Variants in BRIP1 observed in about 807,000 individuals in gnomAD.
BRIP1 encodes the protein Fanconi anemia group J protein.
BRIP1 carries 88 observed loss-of-function variants against 119.7 expected under a neutral mutation model. The ratio of observed to expected loss-of-function variants is 0.74; its 90% CI spans 0.62 to 0.88. The LOEUF (loss-of-function observed/expected upper bound fraction) is 0.88. Ranked by LOEUF, BRIP1 falls within the 40% of genes least tolerant of loss-of-function variation. The probability of loss-of-function intolerance (pLI) is 0.00; values close to 1 mark genes in which losing one functional copy is unlikely to be tolerated. For missense variants in BRIP1, 1,259 were observed against 1,455.4 expected (o/e 0.87, Z 2.20); for synonymous variants, 443 against 496.5 (o/e 0.89, Z 1.43).
chr17:61,747,055 G>A (rs1475353484), intron 14 of BRIP1, among the ~76,000 whole-genome samples: 1 of 151,810 alleles, frequency 6.6e-6, no homozygotes, highest in Non-Finnish European at 1.5e-5. Context: ...ACAAAAATAT[G>A]AAAATTAACA....
At position 61,776,298 on chromosome 17, in the gene BRIP1, T is replaced by C; in HGVS notation, c.2097+103A>G. 1.5e-6 allele frequency: 2 copies of C among 1,313,574 alleles called. No homozygotes were observed. Among genetic ancestry groups the C allele is most frequent in the East Asian group, 2.4e-5 (1 of 42,418 alleles). The allele number at this position is 1,313,574 out of a possible 1,614,324, so 81.4% of individuals were successfully genotyped here. ...AAACTATAGTTATTACCTTGTTGCC[T>C]CTACCCTAGGAAGCTTACTGTGGTA... On this transcript the variant is annotated intron_variant, in intron 14 of 19. Coordinates refer to ENST00000259008, the MANE Select transcript of BRIP1 (RefSeq NM_032043.3). The surrounding 1 kb of genome is among the most constrained non-coding windows in gnomAD (Gnocchi z 5.0).
chr17:61,849,293 C>G, intron 4 of BRIP1, 37 bp from the exon 5 acceptor site: 1 of 1,579,504 alleles, frequency 6.3e-7, no homozygotes, highest in Non-Finnish European at 8.6e-7. Context: ...GCATAAATAA[C>G]TTACAGGTAG....
rs968927931 is a variant in BRIP1 at position 61,832,053 on chromosome 17, A to G, written c.627+15048T>C. ...AGCAGCAACTCCAACAGCAATGAGCAAAACTAACTCCCAGAACACAGCGTT... is the reference window on the plus strand; with the variant it reads ...AGCAGCAACTCCAACAGCAATGAGCGAAACTAACTCCCAGAACACAGCGTT... On this transcript the variant is annotated intron_variant, in intron 6 of 19. Coordinates refer to ENST00000259008, the MANE Select transcript of BRIP1 (RefSeq NM_032043.3). This position sits in a 1 kb window ranked among gnomAD's most constrained non-coding sequence, Gnocchi z 5.5. 3.9e-5 allele frequency among the ~76,000 whole-genome samples: 6 copies of G among 152,216 alleles called. No homozygotes were observed. The highest frequency in any genetic ancestry group is 1.4e-4 in the African/African-American group (6 of 41,474).
rs1048129253 is a variant in BRIP1, at chr17:61,756,346, G to T, written c.2098-11755C>A. Among the ~76,000 whole-genome samples the T allele has an allele frequency of 2.6e-5, 4 of 152,150 alleles. No individual in the cohort carries two copies. The highest frequency in any genetic ancestry group is 5.9e-5 in the Non-Finnish European group (4 of 68,026). The stretch of plus-strand genomic sequence containing the variant: ...AAGGAAAGTACGATGACACAGAGCT[G>T]TCTCTCAGGTCTTATGGCTTACATA... On this transcript the variant is annotated intron_variant, in intron 14 of 19. Coordinates refer to ENST00000259008, the MANE Select transcript of BRIP1 (RefSeq NM_032043.3). The surrounding 1 kb of genome is among the most constrained non-coding windows in gnomAD (Gnocchi z 4.3).
rs1389519833 is a variant in BRIP1 at position 61,774,027 on chromosome 17, G to A, written c.2097+2374C>T. Among the ~76,000 whole-genome samples the A allele has an allele frequency of 2.0e-5, 3 of 152,138 alleles. No individual in the cohort carries two copies. The highest frequency in any genetic ancestry group is 7.2e-5 in the African/African-American group (3 of 41,438). ...TTCAACCATTGTGGAAGACAGTGTG[G>A]CGATTCCTCAAGGATCTAAAACTAG... On this transcript the variant is annotated intron_variant, in intron 14 of 19. Coordinates refer to ENST00000259008, the MANE Select transcript of BRIP1 (RefSeq NM_032043.3). The surrounding 1 kb of genome is among the most constrained non-coding windows in gnomAD (Gnocchi z 5.8).
Position 61,685,911 on chromosome 17 carries a change from G to C in BRIP1, c.2830C>G (p.Gln944Glu), listed in dbSNP as rs140233356. Residue 944 changes from glutamine (Q) to glutamate (E), a missense_variant, in exon 19 of 20, where the codon CAG (glutamine) becomes GAG (glutamate). By Grantham distance (29) the Gln-to-Glu change is conservative. Transcript: ENST00000259008. ...ATAATTTTAGGACACTGTAGTTCCT[G>C]GACACATATCTTTGCTTCATCTTCC... Reference protein sequence around the residue: ...FVEDEAKICVQELQCPKIITK... With the variant: ...FVEDEAKICVEELQCPKIITK... 1.7e-4 allele frequency: 276 copies of C among 1,613,956 alleles called. 1 individual carries two copies. The East Asian group carries it at 4.6e-3, about 27-fold the overall frequency.
Position 61,724,103 on chromosome 17 carries a change from A to G in BRIP1, c.2380-8040T>C, listed in dbSNP as rs2062025656. Among the ~76,000 whole-genome samples, 1 of 152,096 alleles carries G rather than the reference A, an allele frequency of 6.6e-6. No homozygotes were observed. The highest frequency in any genetic ancestry group is 1.5e-5 in the Non-Finnish European group (1 of 67,998). ...GCTCCCTTACTATGATAGTTTTTAG[A>G]CAAATAAATATATATCTGCATCAAA... On this transcript the variant is annotated intron_variant, in intron 16 of 19. Transcript: ENST00000259008. The surrounding 1 kb of genome is among the most constrained non-coding windows in gnomAD (Gnocchi z 5.1).
intron 6 of BRIP1, among the ~76,000 whole-genome samples, chr17:61,820,761 C>T (rs966342835): frequency 6.6e-6 from 1 of 151,894 alleles, no homozygotes; most frequent in Non-Finnish European, 1.5e-5. Context: ...ATCAGCCTAG[C>T]CAACATGGTG....
At chr17:61,702,768 A>G (rs2061633452) in intron 17 of BRIP1, among the ~76,000 whole-genome samples, 1 of 152,182 alleles carries the variant, frequency 6.6e-6, no homozygotes, top group Non-Finnish European at 1.5e-5. Context: ...TGATAAACAT[A>G]CAGATACATA....
rs2077944249 is a variant in BRIP1 at position 61,799,039 on chromosome 17, T to C, written c.1340+61A>G. Reference sequence around the variant, plus strand: ...TTTACTAACTTTAAATACTCTGGCATAATCAAACATATTTTTCATATAAAG... The same window carrying C: ...TTTACTAACTTTAAATACTCTGGCACAATCAAACATATTTTTCATATAAAG... On this transcript the variant is annotated intron_variant, in intron 9 of 19. Transcript: ENST00000259008. This position sits in a 1 kb window ranked among gnomAD's most constrained non-coding sequence, Gnocchi z 5.1. 10 of 1,474,716 alleles carry C rather than the reference T, an allele frequency of 6.8e-6. No individual in the cohort carries two copies. Among genetic ancestry groups the C allele is most frequent in the Non-Finnish European group, 9.5e-6 (10 of 1,054,862 alleles). The allele number at this position is 1,474,716 out of a possible 1,614,324, so 91.4% of individuals were successfully genotyped here.
rs140841835 is a variant in BRIP1, at chr17:61,727,978, G to A, written c.2380-11915C>T. On this transcript the variant is annotated intron_variant, in intron 16 of 19. Coordinates refer to ENST00000259008, the MANE Select transcript of BRIP1 (RefSeq NM_032043.3). ...ACAGTAGCTGGGATTACAGGTGTGT[G>A]CTATGACGCCCGGCTAATTTTTGTA... is the stretch of plus-strand genomic sequence containing the variant. 8.3e-4 allele frequency among the ~76,000 whole-genome samples: 126 copies of A among 151,818 alleles called. 1 individual carries two copies. Among genetic ancestry groups the A allele is most frequent in the African/African-American group, 2.8e-3 (115 of 41,354 alleles).
At chr17:61,784,943 A>C (rs2077683202) in intron 10 of BRIP1, among the ~76,000 whole-genome samples, 1 of 152,208 alleles carries the variant, frequency 6.6e-6, no homozygotes, top group Non-Finnish European at 1.5e-5. Context: ...ATTTATAGTG[A>C]TACAAACAAA....
rs563270850 is a variant in BRIP1, at chr17:61,756,366, T to A, written c.2098-11775A>T. On this transcript the variant is annotated intron_variant, in intron 14 of 19. Transcript: ENST00000259008. This position sits in a 1 kb window ranked among gnomAD's most constrained non-coding sequence, Gnocchi z 4.3. ...GAGCTGTCTCTCAGGTCTTATGGCT[T>A]ACATATATGAAAAATGTGAGGTATC... 2.6e-5 allele frequency among the ~76,000 whole-genome samples: 4 copies of A among 152,324 alleles called. No individual in the cohort carries two copies. The highest frequency in any genetic ancestry group is 9.6e-5 in the African/African-American group (4 of 41,590).
rs2061584258 is a variant in BRIP1 at position 61,699,749 on chromosome 17, A to C, written c.2493-6237T>G. 6.6e-6 allele frequency among the ~76,000 whole-genome samples: 1 copy of C among 152,212 alleles called. No individual in the cohort carries two copies. Among genetic ancestry groups the C allele is most frequent in the Non-Finnish European group, 1.5e-5 (1 of 68,036 alleles). On this transcript the variant is annotated intron_variant, in intron 17 of 19. Coordinates refer to ENST00000259008, the MANE Select transcript of BRIP1 (RefSeq NM_032043.3). This position sits in a 1 kb window ranked among gnomAD's most constrained non-coding sequence, Gnocchi z 4.8. ...TGTGATTGACTGATAAGAGTGTCTC[A>C]CTGTGCCTGAACTGTTTGAGTAAAC...
chr17:61,832,010 T>A lies in BRIP1; in HGVS notation c.627+15091A>T, dbSNP rs2078500488. ...ATACATTGTGTATATTCTCTAGCTG[T>A]CTGCTGAAAGGGCCTGGAGCAGCAA... is the stretch of plus-strand genomic sequence containing the variant. On this transcript the variant is annotated intron_variant, in intron 6 of 19. Coordinates refer to ENST00000259008, the MANE Select transcript of BRIP1 (RefSeq NM_032043.3). The surrounding 1 kb of genome is among the most constrained non-coding windows in gnomAD (Gnocchi z 5.5). Among the ~76,000 whole-genome samples the A allele has an allele frequency of 6.6e-6, 1 of 152,184 alleles. No individual in the cohort carries two copies. The highest frequency in any genetic ancestry group is 1.5e-5 in the Non-Finnish European group (1 of 68,024).
At chr17:61,838,546 AAAATAAATAAATAAATAAAT>A (rs71153410) in intron 6 of BRIP1, among the ~76,000 whole-genome samples, 20 of 140,948 alleles carry the variant, frequency 1.4e-4, no homozygotes, top group East Asian at 4.1e-4. Flanking sequence ...TCCCTCTCAA[AAAATAAATAAATAAATAAAT>A]AAATAAATAA....
rs587782356 is a variant in BRIP1, at chr17:61,776,427, T to G, written c.2071A>C (p.Ile691Leu). ...TTGTAAGATGGCAAGAAACACAAAA[T>G]TCCTTGGCTCACAGTCTGGCACACA... ...LSVCQTVSQGILCFLPSYKLL... is the reference protein window; with the variant it reads ...LSVCQTVSQGLLCFLPSYKLL... Residue 691 changes from isoleucine (I) to leucine (L), a missense_variant, in exon 14 of 20, where the codon ATT becomes CTT. Ile to Leu is a conservative substitution (Grantham distance 5, BLOSUM62 2). Around this residue, in one of 3 missense-constraint regions of BRIP1, gnomAD observed 753 missense variants for 891.8 expected, o/e 0.84. Coordinates refer to ENST00000259008, the MANE Select transcript of BRIP1 (RefSeq NM_032043.3). The surrounding 1 kb of genome is among the most constrained non-coding windows in gnomAD (Gnocchi z 5.0). 20 of 1,613,980 alleles carry G rather than the reference T, an allele frequency of 1.2e-5. No individual in the cohort carries two copies. The highest frequency in any genetic ancestry group is 1.6e-5 in the Non-Finnish European group (19 of 1,180,004).
chr17:61,735,986 A>C lies in BRIP1; in HGVS notation c.2379+7027T>G, dbSNP rs939954913. Among the ~76,000 whole-genome samples the C allele has an allele frequency of 6.6e-6, 1 of 152,060 alleles. No individual in the cohort carries two copies. The highest frequency in any genetic ancestry group is 6.5e-5 in the Admixed American group (1 of 15,268). On this transcript the variant is annotated intron_variant, in intron 16 of 19. Transcript: ENST00000259008. This position sits in a 1 kb window ranked among gnomAD's most constrained non-coding sequence, Gnocchi z 4.4. ...TGTGACCAATGGAAACTGAGATAAT[A>C]AATGTGTGTTAAGCCACTATGTGAT...
chr17:61,699,047 T>C lies in BRIP1; in HGVS notation c.2493-5535A>G, dbSNP rs2061571629. On this transcript the variant is annotated intron_variant, in intron 17 of 19. Transcript: ENST00000259008. This position sits in a 1 kb window ranked among gnomAD's most constrained non-coding sequence, Gnocchi z 4.8. ...ATGTTAATTGTTTCTATTAACTTTT[T>C]TTTGTCTTAAGGGTCTATTTTATCT... 1.3e-5 allele frequency among the ~76,000 whole-genome samples: 2 copies of C among 152,210 alleles called. No homozygotes were observed. Among genetic ancestry groups the C allele is most frequent in the South Asian group, 4.1e-4 (2 of 4,836 alleles).
Sources: gnomAD v4.1 joint callset for allele counts (sites outside exome capture counted in the v4.1 genomes callset) on GRCh38, gnomAD v4.1.1 for gene constraint, gnomAD v4.1.1 regional missense constraint, Gnocchi (gnomAD v3.1) non-coding constraint, MANE v1.5 for transcripts, NCBI Gene and HGNC (gene_info 2026-07-23, HGNC 2026-07-21) for gene names.